The following STX8 variants were observed in gnomAD, a reference collection of about 807,000 sequenced individuals.
STX8 encodes the protein syntaxin-8.
In STX8, 23 loss-of-function variants were observed where a neutral mutation model predicts 37.5. The observed-to-expected ratio is 0.61, with a 90% CI of 0.44 to 0.87. STX8 has a LOEUF of 0.87. Among genes scored for constraint, STX8 ranks in the 40% least tolerant of loss-of-function variants. STX8 has a pLI of 0.00. For synonymous variants in STX8, 115 were observed against 99.1 expected, an observed-to-expected ratio of 1.16 and a Z score of -0.95; for missense variants, 313 against 284.7, an observed-to-expected ratio of 1.10 and a Z score of -0.71.
chr17:9,545,219 T>C lies in STX8; in HGVS notation c.276A>G (p.Leu92=). ...CCTCATTCTTAAAGGATGCCAGAAG[T>C]AGTCTCTCTCGAGTTACAAGATCAT... is the stretch of plus-strand genomic sequence containing the variant. ...LLDDLVTRER[L]LLASFKNEGA... Residue 92 remains leucine, a synonymous_variant, in exon 4 of 8, where the codon CTA becomes CTG. Coordinates refer to ENST00000306357, the MANE Select transcript of STX8 (RefSeq NM_004853.3). The C allele has an allele frequency of 6.2e-6, 10 of 1,614,180 alleles. No homozygotes were observed. Among genetic ancestry groups the C allele is most frequent in the African/African-American group, 1.3e-5 (1 of 75,046 alleles).
At chr17:9,424,276 G>A (rs1249893532) in intron 6 of STX8, among the ~76,000 whole-genome samples, 2 of 152,018 alleles carry the variant, frequency 1.3e-5, no homozygotes, top group South Asian at 2.1e-4. Context: ...GGGAACTGAC[G>A]CATTCCTCGT....
At chr17:9,259,316 C>T (rs936754869) in intron 7 of STX8, among the ~76,000 whole-genome samples, 23 of 152,186 alleles carry the variant, frequency 1.5e-4, no homozygotes, top group African/African-American at 4.3e-4. Context: ...AATTATTACT[C>T]CTCGTAATAA....
At chr17:9,503,969 G>A (rs533586132) in intron 5 of STX8, among the ~76,000 whole-genome samples, 1 of 152,134 alleles carries the variant, frequency 6.6e-6, no homozygotes, top group East Asian at 1.9e-4. Context: ...TCACCATGTT[G>A]GCCAGGCTGG....
At chr17:9,475,962 C>A (rs779184697) in intron 6 of STX8, among the ~76,000 whole-genome samples, 2 of 152,168 alleles carry the variant, frequency 1.3e-5, no homozygotes, top group African/African-American at 4.8e-5. Context: ...CGGCGGATCA[C>A]GAGGTCAGGA....
chr17:9,344,227 T>G (rs1245575306), intron 7 of STX8, among the ~76,000 whole-genome samples: 1 of 150,230 alleles, frequency 6.7e-6, no homozygotes, highest in Admixed American at 6.7e-5. Context: ...GGTAAAATGC[T>G]GTAGGTGGGC....
In STX8 at chr17:9,252,550, A is replaced by G. The variant is rs1906624178; in HGVS notation, c.644-1905T>C. Among the ~76,000 whole-genome samples, 6 of 150,112 alleles carry G rather than the reference A, an allele frequency of 4.0e-5. No individual in the cohort carries two copies. The Admixed American group carries it at 4.0e-4, about 10-fold the overall frequency. ...TTTGAACACGGGAGGCGGAGGTTGC[A>G]GTGAGCTGAGATCACACCACTGCAA... On this transcript the variant is annotated intron_variant, in intron 7 of 7. Transcript: ENST00000306357.
chr17:9,416,605 G>A (rs1280382021), intron 6 of STX8, among the ~76,000 whole-genome samples: 1 of 151,576 alleles, frequency 6.6e-6, no homozygotes, highest in Non-Finnish European at 1.5e-5. Flanking sequence ...CTGACCTCGT[G>A]ATCTGCCCAC....
chr17:9,380,541 A>G (rs1446820458), intron 6 of STX8, among the ~76,000 whole-genome samples: 3 of 151,550 alleles, frequency 2.0e-5, no homozygotes, highest in African/African-American at 7.3e-5. Context: ...ACCATGAGTC[A>G]CTGTGCCTGG....
At chr17:9,570,394 C>CCATT (rs1907641382) in intron 1 of STX8, among the ~76,000 whole-genome samples, 1 of 151,866 alleles carries the variant, frequency 6.6e-6, no homozygotes, top group Non-Finnish European at 1.5e-5. Flanking sequence ...TAAAGCAGCA[C>CCATT]CATTCATGTA....
intron 6 of STX8, among the ~76,000 whole-genome samples, chr17:9,426,112 A>G (rs1043262311): frequency 2.6e-5 from 4 of 152,192 alleles, no homozygotes; most frequent in Admixed American, 6.5e-5. Flanking sequence ...CTGAATTTCA[A>G]CGTTTTGAAG....
chr17:9,501,712 G>A (rs919058079), intron 5 of STX8, among the ~76,000 whole-genome samples: 21 of 147,370 alleles, frequency 1.4e-4, no homozygotes, highest in Non-Finnish European at 2.8e-4. Context: ...GGTGGCTCAC[G>A]CCTGTAATCC....
At chr17:9,492,256 G>A (rs1357628899) in intron 5 of STX8, among the ~76,000 whole-genome samples, 1 of 152,046 alleles carries the variant, frequency 6.6e-6, no homozygotes, top group East Asian at 1.9e-4. Flanking sequence ...ATCAGCAGAG[G>A]ATACAGGCAA....
intron 4 of STX8, 114 bp downstream of exon 4, chr17:9,545,058 A>G: frequency 1.5e-6 from 1 of 667,976 alleles, no homozygotes; most frequent in Non-Finnish European, 2.6e-6. Flanking sequence ...AACACCATAA[A>G]TGAATAGAAT....
chr17:9,412,692 G>C (rs944594644), intron 6 of STX8, among the ~76,000 whole-genome samples: 1 of 152,166 alleles, frequency 6.6e-6, no homozygotes, highest in African/African-American at 2.4e-5. Flanking sequence ...CTATGCCATA[G>C]ATCACCATAA....
At chr17:9,310,003 A>T (rs183630675) in intron 7 of STX8, among the ~76,000 whole-genome samples, 1 of 121,070 alleles carries the variant, frequency 8.3e-6, no homozygotes, top group Non-Finnish European at 1.5e-5. Context: ...GTTGACTCTT[A>T]TTAGTCAAGT....
At chr17:9,555,474 A>C (rs1225032141) in intron 3 of STX8, 1 of 152,226 alleles carries the variant, frequency 6.6e-6, no homozygotes, top group Non-Finnish European at 1.5e-5. Context: ...AACAATATGT[A>C]GTTACCTTTC....
At position 9,317,743 on chromosome 17, in the gene STX8, G is replaced by A. The variant is rs948724545; in HGVS notation, c.643+60809C>T. On this transcript the variant is annotated intron_variant, in intron 7 of 7. Transcript: ENST00000306357. ...ATTGCACCACTGCACTCCAGCCTGG[G>A]TGACAGTGAGACTCTGTCTCAGAAA... is the stretch of plus-strand genomic sequence containing the variant. Among the ~76,000 whole-genome samples the A allele has an allele frequency of 2.0e-5, 3 of 151,324 alleles. No homozygotes were observed. In the South Asian group the frequency reaches 6.3e-4, roughly 32 times the overall value.
intron 7 of STX8, among the ~76,000 whole-genome samples, chr17:9,325,682 C>T (rs1327095146): frequency 6.6e-6 from 1 of 152,242 alleles, no homozygotes; most frequent in East Asian, 1.9e-4. Flanking sequence ...CCATCTTTGG[C>T]AAATACTTCC....
At chr17:9,567,139 T>C (rs535367539) in intron 2 of STX8, among the ~76,000 whole-genome samples, 16 of 152,092 alleles carry the variant, frequency 1.1e-4, no homozygotes, top group Non-Finnish European at 1.6e-4. Flanking sequence ...TGACACACAC[T>C]GGGGCCTAGC....
Sources: allele counts gnomAD v4.1 joint callset (sites outside exome capture counted in the v4.1 genomes callset), GRCh38; gene constraint gnomAD v4.1.1; transcripts MANE v1.5; gene names NCBI Gene and HGNC (gene_info 2026-07-23, HGNC 2026-07-21).